Variants in MSRA observed in about 807,000 individuals in gnomAD.
MSRA encodes mitochondrial peptide methionine sulfoxide reductase.
Under a neutral mutation model 31.3 loss-of-function variants are expected in MSRA, and 54 were observed. The ratio of observed to expected loss-of-function variants is 1.73; its 90% CI spans 1.39 to 2.17. MSRA has a LOEUF of 2.17. MSRA is among the 30% of genes most tolerant of loss of function. The pLI, the probability that MSRA is intolerant of heterozygous loss-of-function variation, is 0.00. For missense variants in MSRA, 507 were observed against 300.9 expected (o/e 1.69, Z -5.07); for synonymous variants, 169 against 116.5 (o/e 1.45, Z -2.90).
chr8:10,225,827 T>G (rs1242053966), intron 2 of MSRA, among the ~76,000 whole-genome samples: 1 of 152,156 alleles, frequency 6.6e-6, no homozygotes, highest in African/African-American at 2.4e-5. Context: ...TTACTGACCA[T>G]CTACCGGGTG....
chr8:10,233,199 T>C (rs1001105510), intron 2 of MSRA, among the ~76,000 whole-genome samples: 1 of 152,250 alleles, frequency 6.6e-6, no homozygotes, highest in African/African-American at 2.4e-5. Flanking sequence ...TAGCCACTGC[T>C]GCAGCAGGGA....
At chr8:10,143,892 C>G (rs1299339353) in intron 1 of MSRA, among the ~76,000 whole-genome samples, 1 of 152,130 alleles carries the variant, frequency 6.6e-6, no homozygotes, top group African/African-American at 2.4e-5. Flanking sequence ...TCTTTCTCAT[C>G]GATTTTGTAG....
At chr8:10,167,547 A>G (rs1805250469) in intron 1 of MSRA, among the ~76,000 whole-genome samples, 1 of 152,154 alleles carries the variant, frequency 6.6e-6, no homozygotes, top group South Asian at 2.1e-4. Context: ...GCCGCATGAT[A>G]ATAACAATCA....
intron 5 of MSRA, among the ~76,000 whole-genome samples, chr8:10,409,262 C>T (rs1808010936): frequency 6.6e-6 from 1 of 152,198 alleles, no homozygotes; most frequent in Non-Finnish European, 1.5e-5. Context: ...AGTAGCCATT[C>T]TGACTGGTGT....
intron 2 of MSRA, among the ~76,000 whole-genome samples, chr8:10,231,659 T>C (rs1322830866): frequency 6.6e-6 from 1 of 152,102 alleles, no homozygotes; most frequent in Non-Finnish European, 1.5e-5. Flanking sequence ...TCCCAACACT[T>C]TGGGAGGCTG....
intron 1 of MSRA, among the ~76,000 whole-genome samples, chr8:10,120,365 G>T (rs1260351335): frequency 6.6e-6 from 1 of 151,836 alleles, no homozygotes; most frequent in Non-Finnish European, 1.5e-5. Flanking sequence ...TTTGGAAGAG[G>T]TATCACTCTA....
At chr8:10,113,463 A>T (rs1351026712) in intron 1 of MSRA, among the ~76,000 whole-genome samples, 3 of 151,482 alleles carry the variant, frequency 2.0e-5, no homozygotes, top group African/African-American at 7.3e-5. Flanking sequence ...ATGGGAGGGT[A>T]GGAGGAGGGG....
intron 2 of MSRA, among the ~76,000 whole-genome samples, chr8:10,243,061 C>T (rs1797420830): frequency 6.6e-6 from 1 of 152,172 alleles, no homozygotes; most frequent in Non-Finnish European, 1.5e-5. Flanking sequence ...TGGCCAAGAA[C>T]ATTTTAAGTT....
chr8:10,232,795 T>A (rs554943504), intron 2 of MSRA, among the ~76,000 whole-genome samples: 1 of 152,268 alleles, frequency 6.6e-6, no homozygotes, highest in Non-Finnish European at 1.5e-5. Context: ...ATAAAAACAA[T>A]CCAGTAGGAC....
chr8:10,311,294 T>A (rs1801417407), intron 4 of MSRA, among the ~76,000 whole-genome samples: 1 of 152,218 alleles, frequency 6.6e-6, no homozygotes, highest in African/African-American at 2.4e-5. Flanking sequence ...CAGGTTAAAA[T>A]GGAAGGCAAC....
chr8:10,123,148 G>T (rs535151121), intron 1 of MSRA, among the ~76,000 whole-genome samples: 1 of 152,356 alleles, frequency 6.6e-6, no homozygotes, highest in East Asian at 1.9e-4. Flanking sequence ...CACCAACAGT[G>T]TGTAAGTGTT....
At chr8:10,309,050 C>A (rs965449758) in intron 4 of MSRA, among the ~76,000 whole-genome samples, 1 of 152,216 alleles carries the variant, frequency 6.6e-6, no homozygotes, top group Non-Finnish European at 1.5e-5. Context: ...CTGAAGATAT[C>A]GTCCTCAGAA....
intron 5 of MSRA, among the ~76,000 whole-genome samples, chr8:10,401,016 C>G (rs767346239): frequency 1.7e-4 from 26 of 151,726 alleles, no homozygotes; most frequent in Non-Finnish European, 3.4e-4. Flanking sequence ...GGATATGACA[C>G]CAAAAGCACA....
intron 1 of MSRA, among the ~76,000 whole-genome samples, chr8:10,064,727 T>A (rs1196924789): frequency 6.6e-6 from 1 of 152,214 alleles, no homozygotes; most frequent in Non-Finnish European, 1.5e-5. Context: ...AAAATTAGTT[T>A]ACCATTAGGT....
At chr8:10,326,340 C>G (rs1031998593) in intron 5 of MSRA, 1 of 152,138 alleles carries the variant, frequency 6.6e-6, no homozygotes, top group Non-Finnish European at 1.5e-5. Flanking sequence ...TGCTGAGGAG[C>G]CAGAAACCAA....
intron 3 of MSRA, among the ~76,000 whole-genome samples, chr8:10,258,866 G>A (rs1482795702): frequency 6.6e-6 from 1 of 152,174 alleles, no homozygotes; most frequent in African/African-American, 2.4e-5. Flanking sequence ...CAGCACTTTG[G>A]GAGGCCAAGG....
At chr8:10,155,102 G>C (rs954051592) in intron 1 of MSRA, among the ~76,000 whole-genome samples, 2 of 151,542 alleles carry the variant, frequency 1.3e-5, no homozygotes, top group Non-Finnish European at 2.9e-5. Context: ...AAGCTTGCCA[G>C]AGTCCTAGAT....
chr8:10,201,456 G>A (rs1053037709), intron 1 of MSRA, among the ~76,000 whole-genome samples: 2 of 152,128 alleles, frequency 1.3e-5, no homozygotes, highest in African/African-American at 4.8e-5. Context: ...GTTAGGTGGT[G>A]TCCCCTGGTC....
intron 3 of MSRA, among the ~76,000 whole-genome samples, chr8:10,279,037 A>T (rs1799476540): frequency 6.6e-6 from 1 of 152,152 alleles, no homozygotes; most frequent in African/African-American, 2.4e-5. Context: ...TACAAAGGTC[A>T]TTTAGGTCAT....
Sources: allele counts gnomAD v4.1 joint callset (sites outside exome capture counted in the v4.1 genomes callset), GRCh38; gene constraint gnomAD v4.1.1; transcripts MANE v1.5; gene names NCBI Gene and HGNC (gene_info 2026-07-23, HGNC 2026-07-21).